FOXP2: variants seen among roughly 807,000 people sequenced by gnomAD.
FOXP2 encodes forkhead box P2.
FOXP2 carries 12 observed loss-of-function variants against 115.8 expected under a neutral mutation model. The observed-to-expected ratio is 0.10, with a 90% CI of 0.07 to 0.17. The LOEUF (loss-of-function observed/expected upper bound fraction) is 0.17, where lower values mean the gene tolerates loss of function less well. Among genes scored for constraint, FOXP2 ranks in the 10% least tolerant of loss-of-function variants. The probability of loss-of-function intolerance (pLI) is 1.00; values close to 1 mark genes in which losing one functional copy is unlikely to be tolerated. For synonymous variants in FOXP2, 328 were observed against 297.7 expected, an observed-to-expected ratio of 1.10 and a Z score of -1.05; for missense variants, 629 against 843.5, an observed-to-expected ratio of 0.75 and a Z score of 3.15.
intron 2 of FOXP2, among the ~76,000 whole-genome samples, chr7:114,452,872 T>G (rs1348603531): frequency 6.6e-6 from 1 of 152,084 alleles, no homozygotes; most frequent in Non-Finnish European, 1.5e-5. Flanking sequence ...AGATGATCTT[T>G]TTGTAATGAC....
chr7:114,643,632 T>G (rs1805705458), intron 7 of FOXP2, among the ~76,000 whole-genome samples: 1 of 152,220 alleles, frequency 6.6e-6, no homozygotes, highest in Admixed American at 6.5e-5. Flanking sequence ...AGCATTCATG[T>G]ACATTTGTCC....
chr7:114,581,138 T>C (rs927102809), intron 3 of FOXP2, among the ~76,000 whole-genome samples: 3 of 149,820 alleles, frequency 2.0e-5, no homozygotes, highest in Admixed American at 1.4e-4. Context: ...TTGTTGCTTC[T>C]ATCTTCTTCC....
intron 1 of FOXP2, among the ~76,000 whole-genome samples, chr7:114,118,623 A>G (rs1005747590): frequency 1.3e-4 from 20 of 152,112 alleles, no homozygotes; most frequent in Admixed American, 2.6e-4. Context: ...AATTGGCTAC[A>G]GGCTTCATTT....
intron 1 of FOXP2, among the ~76,000 whole-genome samples, chr7:114,170,189 T>C (rs188173316): frequency 1.2e-3 from 181 of 152,328 alleles, no homozygotes; most frequent in African/African-American, 4.3e-3. Context: ...TCGGTAATCA[T>C]TGATGTTACT....
rs1212829863 is a variant in FOXP2 at position 114,689,914 on chromosome 7, A to T, written c.2136A>T (p.Glu712Asp). Residue 712 changes from glutamate (E) to aspartate (D), a missense_variant, in exon 17 of 17, where the codon GAA becomes GAT. Coordinates refer to ENST00000350908, the MANE Select transcript of FOXP2 (RefSeq NM_014491.4). ...AGATTGAAGAAGAGCCTTTATCTGA[A>T]GATCTGGAATGAGAACTGACTTGTG... ...DREIEEEPLS[E>D]DLE 6.2e-7 allele frequency: 1 copy of T among 1,613,256 alleles called. No homozygotes were observed. Among genetic ancestry groups the T allele is most frequent in the Non-Finnish European group, 8.5e-7 (1 of 1,179,420 alleles).
intron 1 of FOXP2, among the ~76,000 whole-genome samples, chr7:114,127,673 A>C (rs1453502428): frequency 6.6e-6 from 1 of 152,190 alleles, no homozygotes; most frequent in Non-Finnish European, 1.5e-5. Flanking sequence ...GACTTTTTGA[A>C]TTCATGAATT....
intron 1 of FOXP2, among the ~76,000 whole-genome samples, chr7:114,230,644 AG>A (rs759070178): frequency 3.3e-5 from 5 of 152,038 alleles, no homozygotes; most frequent in African/African-American, 4.8e-5. Flanking sequence ...GAATAGATGC[AG>A]AAAAACCATT....
At chr7:114,237,598 T>C (rs1795044200) in intron 1 of FOXP2, among the ~76,000 whole-genome samples, 1 of 152,206 alleles carries the variant, frequency 6.6e-6, no homozygotes, top group African/African-American at 2.4e-5. Flanking sequence ...TGGAGTGTAC[T>C]TCCATTTTCA....
chr7:114,097,142 T>C (rs1799670454), intron 1 of FOXP2, among the ~76,000 whole-genome samples: 1 of 152,314 alleles, frequency 6.6e-6, no homozygotes, highest in South Asian at 2.1e-4. Context: ...TAATTAAAGA[T>C]TATTTCCATA....
At chr7:114,661,321 CTT>C (rs1239293560) in intron 13 of FOXP2, among the ~76,000 whole-genome samples, 2 of 151,864 alleles carry the variant, frequency 1.3e-5, no homozygotes, top group Admixed American at 6.6e-5. Context: ...TTAGGAATGA[CTT>C]AATTTGATTT....
intron 1 of FOXP2, among the ~76,000 whole-genome samples, chr7:114,208,104 A>G (rs1052336067): frequency 1.3e-5 from 2 of 152,292 alleles, no homozygotes; most frequent in Non-Finnish European, 2.9e-5. Flanking sequence ...TACCTGGAAA[A>G]GCTACCACAG....
chr7:114,680,998 C>T (rs900887067), intron 16 of FOXP2, among the ~76,000 whole-genome samples: 3 of 152,112 alleles, frequency 2.0e-5, no homozygotes, highest in African/African-American at 7.2e-5. Flanking sequence ...ACTGTTAGAA[C>T]ATTGGCATTC....
intron 3 of FOXP2, among the ~76,000 whole-genome samples, chr7:114,589,736 C>T (rs1026455563): frequency 3.9e-5 from 6 of 152,058 alleles, no homozygotes; most frequent in Admixed American, 2.6e-4. Flanking sequence ...TTAATTAATT[C>T]CCCTGATGAT....
intron 1 of FOXP2, among the ~76,000 whole-genome samples, chr7:114,132,541 T>TTGTGTGTGTGTG (rs145500210): frequency 1.1e-5 from 1 of 90,642 alleles, no homozygotes; most frequent in African/African-American, 5.3e-5. Context: ...AAAAGATAAA[T>TTGTGTGTGTGTG]TGTGTGTGTG....
intron 1 of FOXP2, among the ~76,000 whole-genome samples, chr7:114,270,599 A>G (rs1240897824): frequency 1.3e-5 from 2 of 152,252 alleles, no homozygotes; most frequent in African/African-American, 4.8e-5. Context: ...CTCATTTGCC[A>G]TCTGTGTATC....
At chr7:114,094,625 T>G (rs751524198) in intron 1 of FOXP2, among the ~76,000 whole-genome samples, 5 of 152,166 alleles carry the variant, frequency 3.3e-5, no homozygotes, top group Non-Finnish European at 7.4e-5. Flanking sequence ...GTGGGTTTTA[T>G]ACATAATTAC....
At chr7:114,514,086 T>TACACAC (rs141664873) in intron 2 of FOXP2, among the ~76,000 whole-genome samples, 18 of 148,426 alleles carry the variant, frequency 1.2e-4, no homozygotes, top group African/African-American at 3.2e-4. Context: ...TTGTATCTTA[T>TACACAC]ACACACACAC....
chr7:114,505,060 C>G (rs1478165807), intron 2 of FOXP2, among the ~76,000 whole-genome samples: 1 of 151,538 alleles, frequency 6.6e-6, no homozygotes, highest in African/African-American at 2.4e-5. Context: ...ATATGCATAT[C>G]CTCAAACATA....
intron 1 of FOXP2, among the ~76,000 whole-genome samples, chr7:114,089,056 C>A (rs550714664): frequency 4.6e-5 from 7 of 152,222 alleles, no homozygotes; most frequent in African/African-American, 1.4e-4. Context: ...GGCCCCTTTT[C>A]TCTTGCCTGC....
Sources: gnomAD v4.1 joint callset for allele counts (sites outside exome capture counted in the v4.1 genomes callset) on GRCh38, gnomAD v4.1.1 for gene constraint, MANE v1.5 for transcripts, NCBI Gene and HGNC (gene_info 2026-07-23, HGNC 2026-07-21) for gene names.